Variants in DLGAP1 observed in about 807,000 individuals in gnomAD.
DLGAP1 encodes DLG associated protein 1, also known as disks large-associated protein 1.
DLGAP1 carries 11 observed loss-of-function variants against 90.8 expected under a neutral mutation model. The ratio of observed to expected loss-of-function variants is 0.12; its 90% CI spans 0.08 to 0.20. The LOEUF (loss-of-function observed/expected upper bound fraction) is 0.20, where lower values mean the gene tolerates loss of function less well. Ranked by LOEUF, DLGAP1 falls within the 10% of genes least tolerant of loss-of-function variation. The probability of loss-of-function intolerance (pLI) is 1.00; values close to 1 mark genes in which losing one functional copy is unlikely to be tolerated. For synonymous variants in DLGAP1, 558 were observed against 540.7 expected, an observed-to-expected ratio of 1.03 and a Z score of -0.44; for missense variants, 1,050 against 1,333.8, an observed-to-expected ratio of 0.79 and a Z score of 3.31.
intron 5 of DLGAP1, among the ~76,000 whole-genome samples, chr18:3,762,878 A>G: frequency 6.6e-6 from 1 of 152,226 alleles, no homozygotes; most frequent in East Asian, 1.9e-4. Flanking sequence ...TTTGACAAGA[A>G]GGCACCCCGA....
In DLGAP1 at chr18:3,997,963, C is replaced by T. The variant is rs368906601; in HGVS notation, c.-73+7153G>A. 1.6e-3 allele frequency among the ~76,000 whole-genome samples: 240 copies of T among 152,150 alleles called. 2 individuals carry two copies. The South Asian group carries it at 0.029, about 18-fold the overall frequency. ...AGCCACATGGGATTAGTACTGAATACAGTAGACCCAGGTACATCATCAGAC... is the reference window on the plus strand; with the variant it reads ...AGCCACATGGGATTAGTACTGAATATAGTAGACCCAGGTACATCATCAGAC... On this transcript the variant is annotated intron_variant, in intron 3 of 12. Coordinates refer to ENST00000315677, the MANE Select transcript of DLGAP1 (RefSeq NM_004746.4).
intron 2 of DLGAP1, among the ~76,000 whole-genome samples, chr18:4,088,039 T>C (rs1368719037): frequency 6.6e-6 from 1 of 151,922 alleles, no homozygotes; most frequent in Non-Finnish European, 1.5e-5. Flanking sequence ...TTTATCATTC[T>C]ATTTTTCCTC....
intron 4 of DLGAP1, among the ~76,000 whole-genome samples, chr18:3,822,758 T>C (rs1284340505): frequency 1.3e-5 from 2 of 152,248 alleles, no homozygotes; most frequent in East Asian, 3.9e-4. Context: ...CATGGGCCTT[T>C]GGGGACTAGT....
intron 3 of DLGAP1, among the ~76,000 whole-genome samples, chr18:3,931,155 G>T (rs1201075214): frequency 2.0e-5 from 3 of 152,190 alleles, no homozygotes; most frequent in East Asian, 1.9e-4. Context: ...CATATATGCT[G>T]CTGCCTGGGC....
chr18:3,536,202 CT>C (rs1381902543), intron 9 of DLGAP1, among the ~76,000 whole-genome samples: 1 of 149,544 alleles, frequency 6.7e-6, no homozygotes, highest in Non-Finnish European at 1.5e-5. Context: ...TTCTTTCTTT[CT>C]TTCCTTTCTT....
At chr18:3,906,542 A>T (rs73940268) in intron 3 of DLGAP1, among the ~76,000 whole-genome samples, 1,570 of 152,310 alleles carry the variant, frequency 0.01, 29 homozygotes, top group African/African-American at 0.036. Context: ...AAATCTATTT[A>T]TGTTAGTGTA....
intron 3 of DLGAP1, among the ~76,000 whole-genome samples, chr18:3,990,663 T>TAATAAA (rs1189192370): frequency 1.0e-4 from 14 of 139,364 alleles, no homozygotes; most frequent in Admixed American, 1.4e-4. Context: ...ATAATAATAA[T>TAATAAA]AAAAAGAAAT....
In DLGAP1 at chr18:3,566,962, A is replaced by G. The variant is rs534597429; in HGVS notation, c.2057+528T>C. On this transcript the variant is annotated intron_variant, in intron 9 of 12. Coordinates refer to ENST00000315677, the MANE Select transcript of DLGAP1 (RefSeq NM_004746.4). ...TTATGAAATCCTACATTTCCCATTTATAGATACTAAGGCTCTAAAGTAGGT... is the reference window on the plus strand; with the variant it reads ...TTATGAAATCCTACATTTCCCATTTGTAGATACTAAGGCTCTAAAGTAGGT... Among the ~76,000 whole-genome samples, 4 of 152,178 alleles carry G rather than the reference A, an allele frequency of 2.6e-5. No homozygotes were observed. In the East Asian group the frequency reaches 5.8e-4, roughly 22 times the overall value.
intron 1 of DLGAP1, among the ~76,000 whole-genome samples, chr18:4,382,238 C>T (rs373598366): frequency 2.0e-5 from 3 of 152,112 alleles, no homozygotes; most frequent in African/African-American, 7.2e-5. Flanking sequence ...CAGCTGGAGT[C>T]CCATTCCCAG....
intron 1 of DLGAP1, among the ~76,000 whole-genome samples, chr18:4,246,464 C>G (rs1598717012): frequency 6.6e-6 from 1 of 152,152 alleles, no homozygotes; most frequent in Non-Finnish European, 1.5e-5. Flanking sequence ...CTTTGAAACT[C>G]TAACTTCTGG....
intron 1 of DLGAP1, among the ~76,000 whole-genome samples, chr18:4,420,378 A>G (rs1240145237): frequency 1.7e-5 from 2 of 117,618 alleles, no homozygotes; most frequent in East Asian, 2.7e-4. Flanking sequence ...AGAATACACA[A>G]TCTTTTCCAT....
chr18:3,818,208 T>C (rs1212151942), intron 4 of DLGAP1, among the ~76,000 whole-genome samples: 1 of 152,176 alleles, frequency 6.6e-6, no homozygotes, highest in African/African-American at 2.4e-5. Flanking sequence ...TAGTGTGCAT[T>C]GTCTATTTCA....
chr18:3,625,965 G>T (rs1455880421), intron 7 of DLGAP1, among the ~76,000 whole-genome samples: 1 of 152,172 alleles, frequency 6.6e-6, no homozygotes, highest in Admixed American at 6.5e-5. Flanking sequence ...AATTCTGAGG[G>T]ACAGAAAGTA....
chr18:4,298,844 G>A (rs1177361445), intron 1 of DLGAP1, among the ~76,000 whole-genome samples: 2 of 152,006 alleles, frequency 1.3e-5, no homozygotes, highest in Non-Finnish European at 2.9e-5. Context: ...CACTTTGGGA[G>A]GCCGAGGTGG....
chr18:3,575,803 GGGT>G (rs1478056119), intron 8 of DLGAP1, among the ~76,000 whole-genome samples: 1 of 152,080 alleles, frequency 6.6e-6, no homozygotes, highest in Non-Finnish European at 1.5e-5. Flanking sequence ...CCCAGCACTA[GGGT>G]ATCAAGAAAA....
chr18:4,229,465 G>T (rs976732942), intron 1 of DLGAP1, among the ~76,000 whole-genome samples: 1 of 151,954 alleles, frequency 6.6e-6, no homozygotes, highest in African/African-American at 2.4e-5. Context: ...CATGACACTG[G>T]CATAAAAACA....
chr18:3,829,784 A>G (rs1336786814), intron 4 of DLGAP1, among the ~76,000 whole-genome samples: 1 of 152,132 alleles, frequency 6.6e-6, no homozygotes, highest in African/African-American at 2.4e-5. Flanking sequence ...ATAGATTTTA[A>G]CCACGTGTAT....
chr18:4,400,155 C>A (rs9958632), intron 1 of DLGAP1, among the ~76,000 whole-genome samples: 1 of 151,986 alleles, frequency 6.6e-6, no homozygotes, highest in Non-Finnish European at 1.5e-5. Flanking sequence ...CATCCACCTG[C>A]AGCACGCCCC....
chr18:4,404,432 AAG>A (rs1417584622), intron 1 of DLGAP1, among the ~76,000 whole-genome samples: 1 of 152,220 alleles, frequency 6.6e-6, no homozygotes, highest in Non-Finnish European at 1.5e-5. Context: ...CATGGCAAGG[AAG>A]AAGTTGGAAT....
Sources: allele counts gnomAD v4.1 joint callset (sites outside exome capture counted in the v4.1 genomes callset), GRCh38; gene constraint gnomAD v4.1.1; transcripts MANE v1.5; gene names NCBI Gene and HGNC (gene_info 2026-07-23, HGNC 2026-07-21).